RAP1A: variants seen among roughly 807,000 people sequenced by gnomAD.
The protein encoded by RAP1A is RAP1A, member of RAS oncogene family, also known as ras-related protein Rap-1A.
A neutral mutation model predicts 26.4 loss-of-function variants in RAP1A; 6 were observed. The observed-to-expected ratio is 0.23, with a 90% confidence interval of 0.12 to 0.45. The LOEUF is 0.45. Ranked by LOEUF, RAP1A falls within the 20% of genes least tolerant of loss-of-function variation. The pLI, the probability that RAP1A is intolerant of heterozygous loss-of-function variation, is 0.99. For missense variants in RAP1A, 121 were observed against 217.2 expected (o/e 0.56, Z 2.78); for synonymous variants, 73 against 79.4 (o/e 0.92, Z 0.43).
intron 1 of RAP1A, among the ~76,000 whole-genome samples, chr1:111,638,510 C>T (rs970006584): frequency 3.5e-4 from 54 of 152,130 alleles, no homozygotes; most frequent in African/African-American, 1.2e-3. Flanking sequence ...GGCAGGGTCA[C>T]GGCTTATCCA....
intron 1 of RAP1A, among the ~76,000 whole-genome samples, chr1:111,576,252 A>G (rs1306942410): frequency 6.6e-6 from 1 of 152,224 alleles, no homozygotes; most frequent in East Asian, 1.9e-4. Flanking sequence ...ACACTGAAGA[A>G]ATAGGTTGCT....
At chr1:111,667,677 C>T (rs758593734) in intron 1 of RAP1A, among the ~76,000 whole-genome samples, 5 of 144,980 alleles carry the variant, frequency 3.4e-5, no homozygotes, top group African/African-American at 7.6e-5. Context: ...AGCAAGACTC[C>T]GTCTCAAAAA....
chr1:111,700,196 T>C (rs1370081252), intron 4 of RAP1A, among the ~76,000 whole-genome samples: 1 of 152,216 alleles, frequency 6.6e-6, no homozygotes, highest in Non-Finnish European at 1.5e-5. Context: ...TGATAAATAC[T>C]AACTTTGTAA....
intron 3 of RAP1A, among the ~76,000 whole-genome samples, chr1:111,696,615 A>G (rs1661837397): frequency 6.6e-6 from 1 of 152,208 alleles, no homozygotes. Context: ...TTTAGAAGAC[A>G]GTGTTGCTCT....
upstream of RAP1A, among the ~76,000 whole-genome samples, chr1:111,615,060 C>T (rs930859342): frequency 1.3e-5 from 2 of 151,906 alleles, no homozygotes; most frequent in Non-Finnish European, 2.9e-5. Context: ...TTGTTGCAGG[C>T]AGAGAGGTAA....
At chr1:111,692,408 T>G (rs1236563498) in intron 2 of RAP1A, among the ~76,000 whole-genome samples, 1 of 152,212 alleles carries the variant, frequency 6.6e-6, no homozygotes, top group Non-Finnish European at 1.5e-5. Flanking sequence ...GAGAGTTACA[T>G]TGCTGTTAGG....
At chr1:111,707,414 C>T (rs1282101397) in intron 6 of RAP1A, among the ~76,000 whole-genome samples, 1 of 152,044 alleles carries the variant, frequency 6.6e-6, no homozygotes, top group East Asian at 1.9e-4. Context: ...TTTGTTTACC[C>T]TTCATCAGAT....
At chr1:111,602,670 C>T (rs1435433488) in intron 1 of RAP1A, among the ~76,000 whole-genome samples, 1 of 152,156 alleles carries the variant, frequency 6.6e-6, no homozygotes, top group Non-Finnish European at 1.5e-5. Flanking sequence ...TCTCTTCTGC[C>T]ACTTAAAAAA....
chr1:111,548,832 ATG>A (rs1657137664), intron 1 of RAP1A, among the ~76,000 whole-genome samples: 1 of 152,210 alleles, frequency 6.6e-6, no homozygotes, highest in South Asian at 2.1e-4. Context: ...TTCACTACAA[ATG>A]TGATGTTTGT....
At chr1:111,638,511 G>A (rs1557873954) in intron 1 of RAP1A, among the ~76,000 whole-genome samples, 1 of 152,042 alleles carries the variant, frequency 6.6e-6, no homozygotes, top group Non-Finnish European at 1.5e-5. Context: ...GCAGGGTCAC[G>A]GCTTATCCAC....
upstream of RAP1A, chr1:111,542,085 CTTTT>C (rs35807618): frequency 1.4e-3 from 242 of 167,380 alleles, no homozygotes; most frequent in South Asian, 3.4e-3. Context: ...TGCAAAGAAG[CTTTT>C]TTTTTTTTTT....
rs1451606264 is a variant in RAP1A at position 111,697,453 on chromosome 1, G to A, written c.139G>A (p.Asp47Asn). The change falls in exon 4 of 8, where the codon GAT (aspartate) becomes AAT (asparagine). Residue 47 changes from aspartate to asparagine, a missense_variant. Coordinates refer to ENST00000369709, the MANE Select transcript of RAP1A (RefSeq NM_002884.4). ...EDSYRKQVEV[D>N]CQQCMLEILD... is the part of the protein sequence containing the mutation. ...TTTGCCCCCACAGCAAGTTGAAGTC[G>A]ATTGCCAACAGTGTATGCTCGAAAT... 8 of 1,611,442 alleles carry A rather than the reference G, an allele frequency of 5.0e-6. No homozygotes were observed. The highest frequency in any genetic ancestry group is 1.1e-5 in the South Asian group (1 of 90,958).
At chr1:111,619,998 C>T in intron 1 of RAP1A, 64 bp downstream of exon 1, 2 of 396,584 alleles carry the variant, frequency 5.0e-6, no homozygotes, top group Admixed American at 8.8e-5. Flanking sequence ...GTCGGCCGAG[C>T]CGAGGGTGAG....
intron 1 of RAP1A, among the ~76,000 whole-genome samples, chr1:111,554,340 A>T (rs1411553473): frequency 6.6e-6 from 1 of 152,234 alleles, no homozygotes; most frequent in Non-Finnish European, 1.5e-5. Flanking sequence ...CCTACCAGAT[A>T]AAAAATTAAA....
chr1:111,585,803 T>C (rs2101063449), intron 1 of RAP1A, among the ~76,000 whole-genome samples: 1 of 152,304 alleles, frequency 6.6e-6, no homozygotes, highest in Non-Finnish European at 1.5e-5. Flanking sequence ...ACACATTTAA[T>C]TATAAGATAA....
chr1:111,563,445 T>C (rs1253542752), intron 1 of RAP1A, among the ~76,000 whole-genome samples: 1 of 152,170 alleles, frequency 6.6e-6, no homozygotes, highest in Admixed American at 6.5e-5. Context: ...CAAGGCCAGA[T>C]TGAGATTTGT....
chr1:111,601,961 T>A (rs914607510), intron 1 of RAP1A, among the ~76,000 whole-genome samples: 17 of 152,198 alleles, frequency 1.1e-4, no homozygotes, highest in African/African-American at 4.1e-4. Context: ...TGACAAGTGA[T>A]TCAGGGTAAA....
At chr1:111,549,486 T>TA (rs954382293) in intron 1 of RAP1A, among the ~76,000 whole-genome samples, 44 of 151,472 alleles carry the variant, frequency 2.9e-4, no homozygotes, top group African/African-American at 9.4e-4. Flanking sequence ...TCATCTCCAC[T>TA]AAAAAATACA....
chr1:111,608,275 A>C (rs1222841941), intron 1 of RAP1A: 1 of 138,158 alleles, frequency 7.2e-6, no homozygotes, highest in African/African-American at 2.7e-5. Context: ...GCGGCGGGGC[A>C]GAGGCTCTCC....
Sources: gnomAD v4.1 joint callset for allele counts (sites outside exome capture counted in the v4.1 genomes callset) on GRCh38, gnomAD v4.1.1 for gene constraint, MANE v1.5 for transcripts, NCBI Gene and HGNC (gene_info 2026-07-23, HGNC 2026-07-21) for gene names.